Variants in XKR9 observed in about 807,000 individuals in gnomAD.
The protein encoded by XKR9 is XK-related protein 9.
In XKR9, 32 loss-of-function variants were observed where a neutral mutation model predicts 32.0. The observed-to-expected ratio is 1.00, with a 90% CI of 0.76 to 1.34. XKR9 has a LOEUF of 1.34. Ranked by LOEUF, XKR9 falls within the 40% of genes most tolerant of loss-of-function variation. The pLI is 0.00. For missense variants in XKR9, 546 were observed against 429.7 expected, an observed-to-expected ratio of 1.27 and a Z score of -2.39; for synonymous variants, 168 against 143.4, an observed-to-expected ratio of 1.17 and a Z score of -1.22.
intron 2 of XKR9, among the ~76,000 whole-genome samples, chr8:70,756,273 A>T (rs775172665): frequency 2.6e-5 from 4 of 152,134 alleles, no homozygotes; most frequent in Non-Finnish European, 4.4e-5. Flanking sequence ...CTGTTGCTTT[A>T]TAGTAAGTTT....
chr8:70,961,755 G>A, the XKR9 span, among the ~76,000 whole-genome samples: 62 of 151,784 alleles, frequency 4.1e-4, no homozygotes, highest in African/African-American at 1.5e-3. Context: ...TTTATGATTA[G>A]GTAAATACAT....
At chr8:70,684,162 G>T (rs754177820) in intron 3 of XKR9, among the ~76,000 whole-genome samples, 5 of 152,030 alleles carry the variant, frequency 3.3e-5, no homozygotes, top group Non-Finnish European at 5.9e-5. Context: ...CTTAGGATTT[G>T]TTGGTCCTCT....
chr8:70,767,823 T>C (rs1416396184), intron 2 of XKR9, among the ~76,000 whole-genome samples: 1 of 152,142 alleles, frequency 6.6e-6, no homozygotes. Flanking sequence ...CTTTTCTTTT[T>C]TATTAGTCAG....
the XKR9 span, among the ~76,000 whole-genome samples, chr8:70,823,333 A>T: frequency 6.6e-6 from 1 of 152,206 alleles, no homozygotes; most frequent in Non-Finnish European, 1.5e-5. Context: ...TATGGCTCTG[A>T]TCACTGCAAT....
chr8:70,734,256 T>C lies in XKR9; in HGVS notation c.954T>C (p.Phe318=). The C allele has an allele frequency of 6.2e-7, 1 of 1,612,998 alleles. No individual in the cohort carries two copies. The highest frequency in any genetic ancestry group is 1.1e-5 in the South Asian group (1 of 91,014). ...CPLTIFNPDY[F]IPISITIVLT... is the part of the protein sequence containing the mutation. ...TCACTATTTTTAATCCAGACTATTT[T>C]ATACCTATCAGTATAACTATAGTTC... The change falls in exon 5 of 5, where the codon TTT becomes TTC. Residue 318 remains phenylalanine, a synonymous_variant. Transcript: ENST00000408926.
chr8:70,679,498 T>C (rs1819001563), intron 2 of XKR9, among the ~76,000 whole-genome samples: 1 of 152,198 alleles, frequency 6.6e-6, no homozygotes, highest in Non-Finnish European at 1.5e-5. Flanking sequence ...AGCTAGTAGG[T>C]AGCTGCATTA....
the XKR9 span, among the ~76,000 whole-genome samples, chr8:71,027,267 C>T: frequency 1.3e-5 from 2 of 151,062 alleles, no homozygotes. Flanking sequence ...CTATTTGATT[C>T]ATTTTATTTT....
the XKR9 span, among the ~76,000 whole-genome samples, chr8:70,823,991 G>C: frequency 1.3e-5 from 2 of 152,208 alleles, no homozygotes; most frequent in East Asian, 3.9e-4. Flanking sequence ...TTCTTGTGTT[G>C]GGGTTGTGAA....
At chr8:70,923,838 T>C in the XKR9 span, among the ~76,000 whole-genome samples, 1 of 152,210 alleles carries the variant, frequency 6.6e-6, no homozygotes, top group African/African-American at 2.4e-5. Context: ...TAGTGTCTAT[T>C]ATTTATGCCT....
chr8:70,887,142 G>A, the XKR9 span, among the ~76,000 whole-genome samples: 2 of 152,074 alleles, frequency 1.3e-5, no homozygotes, highest in African/African-American at 2.4e-5. Flanking sequence ...TCTGCATATG[G>A]CTAGCCAGTT....
At position 70,681,178 on chromosome 8, in the gene XKR9, T is replaced by C; in HGVS notation, c.120T>C (p.Phe40=). 6.2e-7 allele frequency: 1 copy of C among 1,613,606 alleles called. No homozygotes were observed. Among genetic ancestry groups the C allele is most frequent in the Non-Finnish European group, 8.5e-7 (1 of 1,179,626 alleles). Residue 40 remains phenylalanine (F), a synonymous_variant, in exon 3 of 5, where the codon TTT becomes TTC. Coordinates refer to ENST00000408926, the MANE Select transcript of XKR9 (RefSeq NM_001011720.2). ...VRFFHEGQYV[F]SALALSFMLF... is the part of the protein sequence containing the mutation. Reference sequence around the variant, plus strand: ...TTTTCCATGAAGGACAGTATGTTTTTAGTGCTTTAGCGTTAAGCTTTATGC... The same window carrying C: ...TTTTCCATGAAGGACAGTATGTTTTCAGTGCTTTAGCGTTAAGCTTTATGC...
chr8:70,685,071 A>C (rs1221441891), intron 3 of XKR9, among the ~76,000 whole-genome samples: 1 of 150,856 alleles, frequency 6.6e-6, no homozygotes, highest in Non-Finnish European at 1.5e-5. Context: ...CACTATTCAC[A>C]ATAGCAAAGA....
the XKR9 span, among the ~76,000 whole-genome samples, chr8:70,967,065 CTTTTT>C: frequency 3.9e-5 from 4 of 101,282 alleles, 1 homozygote; most frequent in African/African-American, 1.3e-4. Context: ...GATCTTGACT[CTTTTT>C]TTTTTTTTTT....
At chr8:70,958,258 A>G in the XKR9 span, among the ~76,000 whole-genome samples, 29 of 152,164 alleles carry the variant, frequency 1.9e-4, no homozygotes, top group Non-Finnish European at 1.8e-4. Flanking sequence ...CTGCCTCTCA[A>G]TCTTTGCAGA....
the XKR9 span, among the ~76,000 whole-genome samples, chr8:70,973,505 T>C: frequency 6.6e-6 from 1 of 152,144 alleles, no homozygotes; most frequent in Non-Finnish European, 1.5e-5. Flanking sequence ...TAGGTTTGGG[T>C]TTAGATTGTT....
At chr8:70,888,635 TGA>T in the XKR9 span, among the ~76,000 whole-genome samples, 1 of 152,094 alleles carries the variant, frequency 6.6e-6, no homozygotes, top group African/African-American at 2.4e-5. Flanking sequence ...TTATATATCG[TGA>T]GAGATAGGGG....
the XKR9 span, among the ~76,000 whole-genome samples, chr8:70,889,733 G>T: frequency 6.6e-6 from 1 of 151,836 alleles, no homozygotes; most frequent in African/African-American, 2.4e-5. Context: ...CATACACGTT[G>T]CTTCAAAGGA....
chr8:70,877,752 A>G, the XKR9 span, among the ~76,000 whole-genome samples: 195 of 152,346 alleles, frequency 1.3e-3, 1 homozygote, highest in African/African-American at 4.5e-3. Flanking sequence ...GATATTATCC[A>G]GGAGAACTTC....
chr8:70,817,411 T>C, the XKR9 span, among the ~76,000 whole-genome samples: 1 of 151,988 alleles, frequency 6.6e-6, no homozygotes, highest in Non-Finnish European at 1.5e-5. Flanking sequence ...TAGGAATACA[T>C]CTAACCAGGA....
Sources: gnomAD v4.1 joint callset for allele counts (sites outside exome capture counted in the v4.1 genomes callset) on GRCh38, gnomAD v4.1.1 for gene constraint, MANE v1.5 for transcripts, NCBI Gene and HGNC (gene_info 2026-07-23, HGNC 2026-07-21) for gene names.